The following LSAMP variants were observed in gnomAD, a reference collection of about 807,000 sequenced individuals.
LSAMP encodes limbic system-associated membrane protein.
In LSAMP, 7 loss-of-function variants were observed where a neutral mutation model predicts 38.6. The ratio of observed to expected loss-of-function variants is 0.18; its 90% CI spans 0.10 to 0.34. LSAMP has a LOEUF of 0.34. LSAMP is among the 10% of genes least tolerant of loss of function. The pLI, the probability that LSAMP is intolerant of heterozygous loss-of-function variation, is 1.00. For synonymous variants in LSAMP, 154 were observed against 166.8 expected (o/e 0.92, Z 0.59); for missense variants, 313 against 420.0 (o/e 0.75, Z 2.23).
At chr3:116,417,582 C>T (rs943565836) in intron 1 of LSAMP, among the ~76,000 whole-genome samples, 5 of 152,064 alleles carry the variant, frequency 3.3e-5, no homozygotes, top group African/African-American at 1.2e-4. Context: ...GAAGAGGAAT[C>T]GACCTGCTGG....
chr3:116,031,604 T>A lies in LSAMP; in HGVS notation c.389-11964A>T, dbSNP rs1940928003. ...TTTTTTTTTTTAGTTGCTTAAGGCA[T>A]ACAGTGTTCTTTGCATGTAGAGACG... On this transcript the variant is annotated intron_variant, in intron 2 of 6. Coordinates refer to ENST00000490035, the MANE Select transcript of LSAMP (RefSeq NM_002338.5). 3.1e-5 allele frequency among the ~76,000 whole-genome samples: 4 copies of A among 129,606 alleles called. No homozygotes were observed. The South Asian group carries it at 8.0e-4, about 26-fold the overall frequency. 85.0% of individuals were successfully genotyped at this position (129,606 alleles called of 152,430 possible).
Position 116,134,989 on chromosome 3 carries a change from G to A in LSAMP, c.156-48433C>T, listed in dbSNP as rs115630782. 6.2e-3 allele frequency among the ~76,000 whole-genome samples: 950 copies of A among 152,262 alleles called. 9 individuals are homozygous for A. Among genetic ancestry groups the A allele is most frequent in the African/African-American group, 0.022 (909 of 41,552 alleles). On this transcript the variant is annotated intron_variant, in intron 1 of 6. Coordinates refer to ENST00000490035, the MANE Select transcript of LSAMP (RefSeq NM_002338.5). The stretch of plus-strand genomic sequence containing the variant: ...ATGTTATTGATGGACTGTTTATGAT[G>A]TGTAAGGCACTACAGGAGTATAGAA...
At chr3:116,101,185 A>T (rs993272103) in intron 1 of LSAMP, among the ~76,000 whole-genome samples, 1 of 152,022 alleles carries the variant, frequency 6.6e-6, no homozygotes, top group African/African-American at 2.4e-5. Flanking sequence ...GAGTGTCCCC[A>T]CTCTGATGTA....
chr3:116,113,306 C>A lies in LSAMP; in HGVS notation c.156-26750G>T, dbSNP rs183224059. Among the ~76,000 whole-genome samples, 409 of 150,568 alleles carry A rather than the reference C, an allele frequency of 2.7e-3. 3 individuals carry two copies. Among genetic ancestry groups the A allele is most frequent in the African/African-American group, 9.6e-3 (392 of 40,974 alleles). On this transcript the variant is annotated intron_variant, in intron 1 of 6. Transcript: ENST00000490035. ...TTCTCTCTCTTTATCCCAAGTCACA[C>A]CCTACCATTCATCCTCTGTAAAACA...
intron 1 of LSAMP, among the ~76,000 whole-genome samples, chr3:116,181,271 C>A (rs1005520341): frequency 6.6e-6 from 1 of 151,850 alleles, no homozygotes; most frequent in Non-Finnish European, 1.5e-5. Flanking sequence ...AATTCAAACA[C>A]CTTTAGTTGA....
intron 3 of LSAMP, among the ~76,000 whole-genome samples, chr3:115,869,269 G>GAGA (rs1559859455): frequency 1.2e-3 from 154 of 128,518 alleles, no homozygotes; most frequent in Non-Finnish European, 2.2e-3. Flanking sequence ...TCTTGGAGGG[G>GAGA]GAGAGAGAGA....
At chr3:116,164,576 T>TATATATATATATAAAATCCAA (rs1709984924) in intron 1 of LSAMP, among the ~76,000 whole-genome samples, 1 of 17,330 alleles carries the variant, frequency 5.8e-5, no homozygotes, top group African/African-American at 1.3e-4. Context: ...AATCCAAATA[T>TATATATATATATAAAATCCAA]ATATATATAT....
At chr3:116,333,478 G>A (rs985665005) in intron 1 of LSAMP, among the ~76,000 whole-genome samples, 6 of 149,382 alleles carry the variant, frequency 4.0e-5, no homozygotes, top group African/African-American at 1.5e-4. Flanking sequence ...AGGTTGCAGT[G>A]AGCAAGGATC....
chr3:116,010,063 C>G (rs1209436220), intron 3 of LSAMP, among the ~76,000 whole-genome samples: 2 of 152,032 alleles, frequency 1.3e-5, no homozygotes, highest in Non-Finnish European at 2.9e-5. Flanking sequence ...ACTATGGGCA[C>G]ACGCCACCAC....
intron 1 of LSAMP, among the ~76,000 whole-genome samples, chr3:116,149,256 C>T (rs568614223): frequency 3.4e-4 from 52 of 151,920 alleles, no homozygotes; most frequent in African/African-American, 1.3e-3. Context: ...GAAGGAAAAA[C>T]AATATGGGGA....
chr3:116,008,565 AT>A (rs1240820867), intron 3 of LSAMP, among the ~76,000 whole-genome samples: 1 of 152,110 alleles, frequency 6.6e-6, no homozygotes, highest in Admixed American at 6.5e-5. Flanking sequence ...ACTAGGCAAC[AT>A]TTTTCCTCCA....
chr3:116,049,358 T>G (rs1385464228), intron 2 of LSAMP, among the ~76,000 whole-genome samples: 1 of 152,204 alleles, frequency 6.6e-6, no homozygotes, highest in Non-Finnish European at 1.5e-5. Context: ...CTCTACCTTC[T>G]TAAGTGTGCC....
chr3:116,114,014 TTGAACTTTATTTAAGC>T (rs1222130874), intron 1 of LSAMP, among the ~76,000 whole-genome samples: 1 of 152,186 alleles, frequency 6.6e-6, no homozygotes, highest in Non-Finnish European at 1.5e-5. Context: ...GTTGAAAATG[TTGAACTTTATTTAAGC>T]CCTGTGCTTC....
chr3:115,998,833 G>T (rs913654530), intron 3 of LSAMP, among the ~76,000 whole-genome samples: 1 of 152,084 alleles, frequency 6.6e-6, no homozygotes, highest in African/African-American at 2.4e-5. Flanking sequence ...CCGACAGCCT[G>T]CCTGGTAGGA....
chr3:116,296,448 G>A (rs77731862), intron 1 of LSAMP, among the ~76,000 whole-genome samples: 1,614 of 152,060 alleles, frequency 0.011, 23 homozygotes, highest in African/African-American at 0.035. Flanking sequence ...TTGGGAGGCC[G>A]AGGCAGGCGG....
rs566673368 is a variant in LSAMP at position 116,209,101 on chromosome 3, G to C, written c.156-122545C>G. On this transcript the variant is annotated intron_variant, in intron 1 of 6. Transcript: ENST00000490035. ...AGCCAGGTGCGGGATATAATCTCGT[G>C]GTGTGCCGTTTTTTAAGCCGGTCCG... Among the ~76,000 whole-genome samples the C allele has an allele frequency of 4.4e-3, 663 of 152,330 alleles. 7 individuals carry two copies. Among genetic ancestry groups the C allele is most frequent in the African/African-American group, 0.015 (625 of 41,572 alleles).
chr3:116,238,723 C>T (rs768016811), intron 1 of LSAMP, among the ~76,000 whole-genome samples: 1 of 152,102 alleles, frequency 6.6e-6, no homozygotes, highest in Non-Finnish European at 1.5e-5. Context: ...GATTCCAGTC[C>T]ATCTGCCCCT....
At chr3:115,823,859 C>G (rs1314316404) in intron 6 of LSAMP, among the ~76,000 whole-genome samples, 1 of 152,164 alleles carries the variant, frequency 6.6e-6, no homozygotes, top group Non-Finnish European at 1.5e-5. Flanking sequence ...TGTTATCATA[C>G]AGGTTGATGA....
intron 1 of LSAMP, among the ~76,000 whole-genome samples, chr3:116,304,197 G>C (rs1339439314): frequency 6.6e-6 from 1 of 152,116 alleles, no homozygotes; most frequent in African/African-American, 2.4e-5. Flanking sequence ...AAGGAGTTAA[G>C]AGTTAATTAG....
Sources: allele counts gnomAD v4.1 joint callset (sites outside exome capture counted in the v4.1 genomes callset), GRCh38; gene constraint gnomAD v4.1.1; transcripts MANE v1.5; gene names NCBI Gene and HGNC (gene_info 2026-07-23, HGNC 2026-07-21).